The following TOM1L2 variants were observed in gnomAD, a reference collection of about 807,000 sequenced individuals.
The protein encoded by TOM1L2 is TOM1-like protein 2.
Under a neutral mutation model 67.9 loss-of-function variants are expected in TOM1L2, and 31 were observed. That is an observed-to-expected ratio of 0.46 (90% CI 0.34 to 0.62). The LOEUF (loss-of-function observed/expected upper bound fraction) is 0.62, where lower values mean the gene tolerates loss of function less well. TOM1L2 is among the 20% of genes least tolerant of loss of function. The pLI is 0.01. For synonymous variants in TOM1L2, 256 were observed against 254.0 expected, an observed-to-expected ratio of 1.01 and a Z score of -0.07; for missense variants, 606 against 663.5, an observed-to-expected ratio of 0.91 and a Z score of 0.95.
chr17:17,893,001 C>T (rs1195877151), intron 4 of TOM1L2, among the ~76,000 whole-genome samples: 1 of 152,156 alleles, frequency 6.6e-6, no homozygotes, highest in Non-Finnish European at 1.5e-5. Flanking sequence ...CAGAATTGCC[C>T]AGCCACCTGC....
At chr17:17,899,364 T>C (rs978444095) in intron 2 of TOM1L2, among the ~76,000 whole-genome samples, 3 of 152,200 alleles carry the variant, frequency 2.0e-5, no homozygotes, top group Non-Finnish European at 4.4e-5. Flanking sequence ...AGTTTTGTGT[T>C]TTTAGGTGAC....
chr17:17,948,991 C>G (rs2041070335), intron 1 of TOM1L2, among the ~76,000 whole-genome samples: 1 of 152,098 alleles, frequency 6.6e-6, no homozygotes, highest in South Asian at 2.1e-4. Context: ...AAGCAGGGGT[C>G]AAAATGCCAG....
At chr17:17,949,246 C>G (rs1464860478) in intron 1 of TOM1L2, among the ~76,000 whole-genome samples, 1 of 152,192 alleles carries the variant, frequency 6.6e-6, no homozygotes, top group African/African-American at 2.4e-5. Context: ...TGGGGAACAG[C>G]AGTGTGGAAC....
chr17:17,867,597 G>T (rs760692632), intron 8 of TOM1L2, among the ~76,000 whole-genome samples: 96 of 152,186 alleles, frequency 6.3e-4, no homozygotes, highest in Non-Finnish European at 2.5e-4. Flanking sequence ...GTGTGTGTTG[G>T]GGTGGGGCAG....
At chr17:17,880,689 C>T (rs547181583) in intron 6 of TOM1L2, among the ~76,000 whole-genome samples, 24 of 152,272 alleles carry the variant, frequency 1.6e-4, no homozygotes, top group Middle Eastern at 3.4e-3. Context: ...CATCCAGAGC[C>T]GGACCTGAGC....
intron 1 of TOM1L2, among the ~76,000 whole-genome samples, chr17:17,959,839 T>C (rs147202020): frequency 6.6e-6 from 1 of 152,362 alleles, no homozygotes; most frequent in East Asian, 1.9e-4. Flanking sequence ...CTACAAGGCT[T>C]ATGCTTCATT....
intron 7 of TOM1L2, among the ~76,000 whole-genome samples, chr17:17,870,885 A>T (rs1166262682): frequency 1.3e-5 from 2 of 152,210 alleles, no homozygotes; most frequent in East Asian, 3.9e-4. Flanking sequence ...CCAGTGGGGA[A>T]TCAAAGGCAT....
At chr17:17,849,489 A>G (rs936614763) in intron 13 of TOM1L2, among the ~76,000 whole-genome samples, 25 of 152,224 alleles carry the variant, frequency 1.6e-4, no homozygotes, top group African/African-American at 6.0e-4. Flanking sequence ...GGCCCAGATT[A>G]TATTATCTGC....
In TOM1L2 at chr17:17,846,969, G is replaced by A. The variant is rs973542757; in HGVS notation, c.*666C>T. 3.9e-5 allele frequency: 6 copies of A among 152,534 alleles called. No individual in the cohort carries two copies. Among genetic ancestry groups the A allele is most frequent in the African/African-American group, 7.2e-5 (3 of 41,466 alleles). 9.4% of individuals were successfully genotyped at this position (152,534 alleles called of 1,614,324 possible). A position where few individuals can be genotyped will look rare whatever the true frequency, so the allele number is the denominator to read the frequency against. ...CCTCTCCCTGCCCAGGGAGCCTGCAGGGACCCTCGGTGCCAGGCTCGGCTG... is the reference window on the plus strand; with the variant it reads ...CCTCTCCCTGCCCAGGGAGCCTGCAAGGACCCTCGGTGCCAGGCTCGGCTG... On this transcript the variant is annotated 3_prime_UTR_variant, in exon 15 of 15. Transcript: ENST00000379504.
chr17:17,898,501 G>T, intron 3 of TOM1L2, 95 bp downstream of exon 3: 1 of 1,290,958 alleles, frequency 7.7e-7, no homozygotes, highest in Non-Finnish European at 1.1e-6. Context: ...CAGAGGTTGT[G>T]CTAAGTGGGC....
chr17:17,857,807 G>C (rs1347274988), intron 12 of TOM1L2: 3 of 1,535,678 alleles, frequency 2.0e-6, no homozygotes, highest in Non-Finnish European at 2.6e-6. Context: ...ATGGGCTCCA[G>C]GTCAGACTCC....
chr17:17,890,077 T>C (rs1013543803), intron 4 of TOM1L2, among the ~76,000 whole-genome samples: 3 of 152,136 alleles, frequency 2.0e-5, no homozygotes, highest in African/African-American at 7.2e-5. Context: ...CCTGGGGGAA[T>C]TGTCAGAGTC....
chr17:17,939,782 T>C (rs986059354), intron 1 of TOM1L2, among the ~76,000 whole-genome samples: 2 of 152,198 alleles, frequency 1.3e-5, no homozygotes, highest in African/African-American at 2.4e-5. Context: ...ATAAATGTAA[T>C]GAAAGTATAA....
chr17:17,877,991 G>A (rs982802698), intron 7 of TOM1L2, among the ~76,000 whole-genome samples: 2 of 152,106 alleles, frequency 1.3e-5, no homozygotes, highest in Non-Finnish European at 2.9e-5. Context: ...CACACCCCCT[G>A]CTGCCAGGAG....
intron 1 of TOM1L2, among the ~76,000 whole-genome samples, chr17:17,937,886 G>A (rs887164723): frequency 3.3e-5 from 5 of 152,140 alleles, no homozygotes; most frequent in Admixed American, 6.5e-5. Flanking sequence ...GACAGCTCCC[G>A]CATTGGTCTC....
At chr17:17,965,813 A>C (rs112245587) in intron 1 of TOM1L2, among the ~76,000 whole-genome samples, 39 of 152,280 alleles carry the variant, frequency 2.6e-4, no homozygotes, top group African/African-American at 9.1e-4. Context: ...TACAACATTA[A>C]ACTTTTTTTA....
At chr17:17,863,730 G>A (rs2036690076) in intron 10 of TOM1L2, among the ~76,000 whole-genome samples, 3 of 151,868 alleles carry the variant, frequency 2.0e-5, no homozygotes, top group Admixed American at 2.0e-4. Context: ...AAATTATTTT[G>A]TAGAGACAAG....
Position 17,869,561 on chromosome 17 carries a change from A to G in TOM1L2, c.778-88T>C, listed in dbSNP as rs762675374. 10 of 1,469,402 alleles carry G rather than the reference A, an allele frequency of 6.8e-6. No individual in the cohort carries two copies. In the South Asian group the frequency reaches 1.4e-4, roughly 21 times the overall value. 91.0% of individuals were successfully genotyped at this position (1,469,402 alleles called of 1,614,324 possible). A position where few individuals can be genotyped will look rare whatever the true frequency, so the allele number is the denominator to read the frequency against. ...TTTGAAAAAATTTGTACTGATTCTT[A>G]AAAGTCACAAAAGGAGTACATGCTT... On this transcript the variant is annotated intron_variant, in intron 7 of 14. Transcript: ENST00000379504.
At chr17:17,898,372 T>G (rs1268925108) in intron 3 of TOM1L2, among the ~76,000 whole-genome samples, 1 of 152,184 alleles carries the variant, frequency 6.6e-6, no homozygotes, top group Non-Finnish European at 1.5e-5. Flanking sequence ...CACCTTATCT[T>G]CTGCTCGTAT....
Sources: allele counts gnomAD v4.1 joint callset (sites outside exome capture counted in the v4.1 genomes callset), GRCh38; gene constraint gnomAD v4.1.1; transcripts MANE v1.5; gene names NCBI Gene and HGNC (gene_info 2026-07-23, HGNC 2026-07-21).